AGAP1: variants seen among roughly 807,000 people sequenced by gnomAD.
AGAP1 encodes the protein ArfGAP with GTPase domain, ankyrin repeat and PH domain 1.
AGAP1 carries 29 observed loss-of-function variants against 105.3 expected under a neutral mutation model. The ratio of observed to expected loss-of-function variants is 0.28; its 90% confidence interval spans 0.21 to 0.38. The LOEUF (loss-of-function observed/expected upper bound fraction) is 0.38, where lower values mean the gene tolerates loss of function less well. Ranked by LOEUF, AGAP1 falls within the 10% of genes least tolerant of loss-of-function variation. The pLI is 1.00. For synonymous variants in AGAP1, 509 were observed against 485.9 expected, an observed-to-expected ratio of 1.05 and a Z score of -0.63; for missense variants, 998 against 1,165.1, an observed-to-expected ratio of 0.86 and a Z score of 2.09.
At chr2:235,704,581 G>C (rs1477491569) in intron 1 of AGAP1, among the ~76,000 whole-genome samples, 1 of 152,210 alleles carries the variant, frequency 6.6e-6, no homozygotes, top group African/African-American at 2.4e-5. Context: ...GGGAGGTGGA[G>C]GTTGCAGTGA....
rs895237223 is a variant in AGAP1, at chr2:236,046,556, C to A, written c.1892-2503C>A. On this transcript the variant is annotated intron_variant, in intron 15 of 17. Coordinates refer to ENST00000304032, the MANE Select transcript of AGAP1 (RefSeq NM_001037131.3). This position sits in a 1 kb window ranked among gnomAD's most constrained non-coding sequence, Gnocchi z 5.2. ...AATAGCTGGGACAGGAGGGACCTGG[C>A]AGAAGAATGCATTTGCAGAGTGGAT... Among the ~76,000 whole-genome samples the A allele has an allele frequency of 6.6e-6, 1 of 152,150 alleles. No homozygotes were observed. Among genetic ancestry groups the A allele is most frequent in the Non-Finnish European group, 1.5e-5 (1 of 68,018 alleles).
At position 235,790,042 on chromosome 2, in the gene AGAP1, G is replaced by A. The variant is rs141479597; in HGVS notation, c.674-7717G>A. ...ACTTGTTCATAAATGCAGCATCCAT[G>A]TGAAGGATGGGTGGGAATCGGTAGA... On this transcript the variant is annotated intron_variant, in intron 6 of 17. Coordinates refer to ENST00000304032, the MANE Select transcript of AGAP1 (RefSeq NM_001037131.3). 3.9e-3 allele frequency among the ~76,000 whole-genome samples: 594 copies of A among 152,324 alleles called. 2 individuals carry two copies. Among genetic ancestry groups the A allele is most frequent in the African/African-American group, 0.013 (549 of 41,574 alleles).
rs1009989618 is a variant in AGAP1 at position 235,874,155 on chromosome 2, A to G, written c.1051-9190A>G. ...TCACTGCAACCTCTCCCTCCAACCA[A>G]TTGCCCTACCTCAGCCTCCCAAGTA... On this transcript the variant is annotated intron_variant, in intron 9 of 17. Transcript: ENST00000304032. This position sits in a 1 kb window ranked among gnomAD's most constrained non-coding sequence, Gnocchi z 4.5. Among the ~76,000 whole-genome samples, 7 of 151,992 alleles carry G rather than the reference A, an allele frequency of 4.6e-5. No individual in the cohort carries two copies. Among genetic ancestry groups the G allele is most frequent in the South Asian group, 4.2e-4 (2 of 4,806 alleles).
In AGAP1 at chr2:236,123,975, C is replaced by G. The variant is rs771157920; in HGVS notation, c.2427C>G (p.Ala809=). The part of the protein sequence containing the change: ...DAHGNTALAY[A]RQASSQECID... ...ACGGGAACACAGCTCTGGCCTACGC[C>G]CGGCAGGCCTCCAGCCAGGAGTGCA... is the stretch of plus-strand genomic sequence containing the variant. Residue 809 remains alanine, a synonymous_variant, in exon 18 of 18, where the codon GCC becomes GCG. Coordinates refer to ENST00000304032, the MANE Select transcript of AGAP1 (RefSeq NM_001037131.3). This position sits in a 1 kb window ranked among gnomAD's most constrained non-coding sequence, Gnocchi z 4.6. 1 of 1,613,954 alleles carries G rather than the reference C, an allele frequency of 6.2e-7. No homozygotes were observed. The highest frequency in any genetic ancestry group is 8.5e-7 in the Non-Finnish European group (1 of 1,179,994).
chr2:235,709,473 C>A (rs1161898853), intron 2 of AGAP1, among the ~76,000 whole-genome samples: 1 of 152,146 alleles, frequency 6.6e-6, no homozygotes, highest in Non-Finnish European at 1.5e-5. Context: ...GGCGGTGTCT[C>A]ATGTGCAGGG....
chr2:235,776,217 A>G (rs1955847280), intron 6 of AGAP1, among the ~76,000 whole-genome samples: 1 of 152,126 alleles, frequency 6.6e-6, no homozygotes, highest in Non-Finnish European at 1.5e-5. Flanking sequence ...GGCTTAATGA[A>G]TGAGAGTGAC....
chr2:235,560,666 A>G (rs1238776914), intron 1 of AGAP1, among the ~76,000 whole-genome samples: 1 of 152,188 alleles, frequency 6.6e-6, no homozygotes, highest in Non-Finnish European at 1.5e-5. Flanking sequence ...TGTGGATGGC[A>G]TCTAAAATTT....
rs984263093 is a variant in AGAP1 at position 235,712,531 on chromosome 2, G to C, written c.222+3294G>C. On this transcript the variant is annotated intron_variant, in intron 2 of 17. Transcript: ENST00000304032. This position sits in a 1 kb window ranked among gnomAD's most constrained non-coding sequence, Gnocchi z 6.0. ...CACATCCTATTTGTGTGTTTTCATT[G>C]AACTCCAACTGGAATTTTTACTAAA... Among the ~76,000 whole-genome samples the C allele has an allele frequency of 4.6e-5, 7 of 152,212 alleles. No individual in the cohort carries two copies. The highest frequency in any genetic ancestry group is 1.7e-4 in the African/African-American group (7 of 41,450).
intron 1 of AGAP1, among the ~76,000 whole-genome samples, chr2:235,629,752 C>G (rs1946763794): frequency 6.7e-6 from 1 of 149,398 alleles, no homozygotes; most frequent in Admixed American, 6.7e-5. Context: ...GTGGCGTGTA[C>G]TTGTAGTCCC....
At chr2:235,766,907 A>ATTTTTTTTTT (rs71036292) in intron 6 of AGAP1, among the ~76,000 whole-genome samples, 2 of 109,922 alleles carry the variant, frequency 1.8e-5, no homozygotes, top group African/African-American at 3.3e-5. Flanking sequence ...ACACCGGCTA[A>ATTTTTTTTTT]TTTTTTTTTT....
At chr2:235,758,195 A>G (rs1954096176) in intron 6 of AGAP1, among the ~76,000 whole-genome samples, 1 of 143,056 alleles carries the variant, frequency 7.0e-6, no homozygotes, top group Admixed American at 6.7e-5. Flanking sequence ...AAAAAATAAG[A>G]TTTTTTACAC....
chr2:235,714,495 C>T lies in AGAP1; in HGVS notation c.223-3062C>T, dbSNP rs1200239589. ...CTTTAGTTGCCTGGAGACAGCAAGG[C>T]CTGTTAGGATGGGGCTTGGTAGCTG... On this transcript the variant is annotated intron_variant, in intron 2 of 17. Transcript: ENST00000304032. This position sits in a 1 kb window ranked among gnomAD's most constrained non-coding sequence, Gnocchi z 4.1. 1.3e-5 allele frequency among the ~76,000 whole-genome samples: 2 copies of T among 151,758 alleles called. No homozygotes were observed. The highest frequency in any genetic ancestry group is 4.8e-5 in the African/African-American group (2 of 41,274).
chr2:235,692,576 C>A lies in AGAP1; in HGVS notation c.164-16603C>A, dbSNP rs1949786313. Among the ~76,000 whole-genome samples, 1 of 151,876 alleles carries A rather than the reference C, an allele frequency of 6.6e-6. No individual in the cohort carries two copies. The highest frequency in any genetic ancestry group is 2.1e-4 in the South Asian group (1 of 4,818). On this transcript the variant is annotated intron_variant, in intron 1 of 17. Coordinates refer to ENST00000304032, the MANE Select transcript of AGAP1 (RefSeq NM_001037131.3). The surrounding 1 kb of genome is among the most constrained non-coding windows in gnomAD (Gnocchi z 5.8). ...CCTATGCTCTCCCCCCTTGCCCTCCCCCCTTGCCTTCCTGGGCCATCCTTT... is the reference window on the plus strand; with the variant it reads ...CCTATGCTCTCCCCCCTTGCCCTCCACCCTTGCCTTCCTGGGCCATCCTTT...
At chr2:236,091,015 A>G (rs572765134) in intron 16 of AGAP1, among the ~76,000 whole-genome samples, 1 of 152,364 alleles carries the variant, frequency 6.6e-6, no homozygotes, top group East Asian at 1.9e-4. Flanking sequence ...CTGGGTTGAC[A>G]GGCGTGTGCC....
chr2:235,864,348 G>T lies in AGAP1; in HGVS notation c.1051-18997G>T, dbSNP rs190011086. Among the ~76,000 whole-genome samples, 36 of 152,348 alleles carry T rather than the reference G, an allele frequency of 2.4e-4. No homozygotes were observed. The highest frequency in any genetic ancestry group is 4.6e-4 in the Admixed American group (7 of 15,310). On this transcript the variant is annotated intron_variant, in intron 9 of 17. Transcript: ENST00000304032. The surrounding 1 kb of genome is among the most constrained non-coding windows in gnomAD (Gnocchi z 5.0). ...CTGGAGGCCTGGGTGTGCTTCCTAG[G>T]CAGGCAGTTGGATTCTGTTTAATTT...
chr2:235,946,259 A>T (rs1396228879), intron 12 of AGAP1, among the ~76,000 whole-genome samples: 1 of 147,672 alleles, frequency 6.8e-6, no homozygotes, highest in Admixed American at 6.7e-5. Context: ...CCCAAAGTGG[A>T]TTGGATCATA....
At chr2:235,915,143 G>T (rs1258526140) in intron 11 of AGAP1, among the ~76,000 whole-genome samples, 1 of 152,116 alleles carries the variant, frequency 6.6e-6, no homozygotes, top group Non-Finnish European at 1.5e-5. Context: ...CAGCCTTCTG[G>T]TTGGCCAAGG....
intron 9 of AGAP1, among the ~76,000 whole-genome samples, chr2:235,812,499 C>T (rs576183159): frequency 6.6e-6 from 1 of 152,184 alleles, no homozygotes; most frequent in African/African-American, 2.4e-5. Flanking sequence ...GGGATCAACA[C>T]GAGGGGTGTA....
At chr2:236,023,979 C>T (rs765192860) in intron 13 of AGAP1, among the ~76,000 whole-genome samples, 1 of 150,684 alleles carries the variant, frequency 6.6e-6, no homozygotes, top group Non-Finnish European at 1.5e-5. Context: ...AGAGAAACAT[C>T]TCGGCATTGC....
Sources: allele counts gnomAD v4.1 joint callset (sites outside exome capture counted in the v4.1 genomes callset), GRCh38; gene constraint gnomAD v4.1.1; non-coding constraint Gnocchi (gnomAD v3.1); transcripts MANE v1.5; gene names NCBI Gene and HGNC (gene_info 2026-07-23, HGNC 2026-07-21).